The following SP4 variants were observed in gnomAD, a reference collection of about 807,000 sequenced individuals.
The protein encoded by SP4 is Sp4 transcription factor, also known as transcription factor Sp4.
SP4 carries 19 observed loss-of-function variants against 72.8 expected under a neutral mutation model. The ratio of observed to expected loss-of-function variants is 0.26; its 90% CI spans 0.18 to 0.38. The LOEUF (loss-of-function observed/expected upper bound fraction) is 0.38, where lower values mean the gene tolerates loss of function less well. Ranked by LOEUF, SP4 falls within the 10% of genes least tolerant of loss-of-function variation. SP4 has a pLI of 1.00. For synonymous variants in SP4, 395 were observed against 333.1 expected, an observed-to-expected ratio of 1.19 and a Z score of -2.02; for missense variants, 1,008 against 926.3, an observed-to-expected ratio of 1.09 and a Z score of -1.14.
chr7:21,490,731 G>T (rs1222582586), intron 5 of SP4, among the ~76,000 whole-genome samples: 1 of 152,198 alleles, frequency 6.6e-6, no homozygotes, highest in Non-Finnish European at 1.5e-5. Context: ...AGCATTGCAT[G>T]CACAGCACAG....
chr7:21,487,777 G>A (rs1380989706), intron 5 of SP4, among the ~76,000 whole-genome samples: 3 of 150,096 alleles, frequency 2.0e-5, no homozygotes, highest in Non-Finnish European at 4.4e-5. Context: ...GGTGGTGGTG[G>A]TGGTGGTGGT....
At chr7:21,463,460 G>C (rs1156559565) in intron 3 of SP4, among the ~76,000 whole-genome samples, 1 of 152,192 alleles carries the variant, frequency 6.6e-6, no homozygotes, top group African/African-American at 2.4e-5. Flanking sequence ...ACACCAGAAA[G>C]TGGATGATAA....
At chr7:21,471,072 C>T (rs781363577) in intron 3 of SP4, 10 of 534,530 alleles carry the variant, frequency 1.9e-5, no homozygotes, top group East Asian at 1.1e-4. Context: ...TTCAAATGCT[C>T]GGAGACACAG....
chr7:21,496,329 A>G (rs1781705555), intron 5 of SP4, among the ~76,000 whole-genome samples: 1 of 152,238 alleles, frequency 6.6e-6, no homozygotes. Flanking sequence ...AGAGAGATTT[A>G]CTATTTTATA....
intron 3 of SP4, among the ~76,000 whole-genome samples, chr7:21,457,158 C>T (rs1227924454): frequency 1.3e-5 from 2 of 152,078 alleles, no homozygotes; most frequent in Non-Finnish European, 2.9e-5. Flanking sequence ...TTGAGTAAAG[C>T]ATTTAGCAAC....
At chr7:21,445,863 A>G (rs1783405778) in intron 3 of SP4, among the ~76,000 whole-genome samples, 1 of 152,122 alleles carries the variant, frequency 6.6e-6, no homozygotes. Flanking sequence ...AGAATTGAAG[A>G]CCAATTTACA....
At chr7:21,502,969 T>C (rs1157595868) in intron 5 of SP4, among the ~76,000 whole-genome samples, 1 of 152,138 alleles carries the variant, frequency 6.6e-6, no homozygotes, top group Non-Finnish European at 1.5e-5. Context: ...TTTCCACTGG[T>C]CTTTTCCCCT....
At chr7:21,468,338 A>G (rs1287222719) in intron 3 of SP4, among the ~76,000 whole-genome samples, 2 of 152,150 alleles carry the variant, frequency 1.3e-5, no homozygotes, top group Non-Finnish European at 2.9e-5. Flanking sequence ...TTCACTTCCT[A>G]GAATAATTTT....
chr7:21,430,423 A>G lies in SP4; in HGVS notation c.1258A>G (p.Ile420Val), dbSNP rs750880710. 1.2e-6 allele frequency: 2 copies of G among 1,614,206 alleles called. No homozygotes were observed. Among genetic ancestry groups the G allele is most frequent in the Non-Finnish European group, 1.7e-6 (2 of 1,180,032 alleles). Residue 420 changes from isoleucine (I) to valine (V), a missense_variant, in exon 3 of 6, where the codon ATT becomes GTT. Around this residue, in one of 3 missense-constraint regions of SP4, gnomAD observed 893 missense variants for 743.3 expected, o/e 1.20. Coordinates refer to ENST00000222584, the MANE Select transcript of SP4 (RefSeq NM_003112.5). Reference sequence around the variant, plus strand: ...GCCTCAGCAACAGATCATTCAGGCTATTCCACCACAGTCGTTTCAACTCCA... The same window carrying G: ...GCCTCAGCAACAGATCATTCAGGCTGTTCCACCACAGTCGTTTCAACTCCA... ...QQPQQQIIQA[I>V]PPQSFQLQSG...
chr7:21,476,368 A>G (rs188737790), intron 3 of SP4, among the ~76,000 whole-genome samples: 3 of 149,282 alleles, frequency 2.0e-5, no homozygotes, highest in Non-Finnish European at 4.5e-5. Context: ...TGCATTATTT[A>G]TTATATTTTT....
At chr7:21,476,496 A>G (rs574492405) in intron 3 of SP4, among the ~76,000 whole-genome samples, 2 of 152,264 alleles carry the variant, frequency 1.3e-5, no homozygotes, top group South Asian at 4.1e-4. Flanking sequence ...TTACAGTGAC[A>G]GTATGTAGTA....
intron 3 of SP4, among the ~76,000 whole-genome samples, chr7:21,467,172 C>G (rs1252243644): frequency 6.6e-6 from 1 of 152,086 alleles, no homozygotes; most frequent in African/African-American, 2.4e-5. Context: ...GGCCTCTACT[C>G]ACTATATACC....
intron 5 of SP4, among the ~76,000 whole-genome samples, chr7:21,509,933 G>A (rs1286849093): frequency 6.6e-6 from 1 of 152,210 alleles, no homozygotes; most frequent in Non-Finnish European, 1.5e-5. Flanking sequence ...CACAATCATG[G>A]TGGAGGGCAA....
chr7:21,429,483 C>G lies in SP4; in HGVS notation c.318C>G (p.Ala106=), dbSNP rs777382790. ...QLAGNAWQLV[A]STPPASKENN... Reference sequence around the variant, plus strand: ...CTGGAAACGCTTGGCAACTTGTTGCCTCCACTCCTCCTGCTTCAAAAGAGA... The same window carrying G: ...CTGGAAACGCTTGGCAACTTGTTGCGTCCACTCCTCCTGCTTCAAAAGAGA... The change falls in exon 3 of 6, where the codon GCC becomes GCG. Residue 106 remains alanine, a synonymous_variant. Coordinates refer to ENST00000222584, the MANE Select transcript of SP4 (RefSeq NM_003112.5). 4 of 1,614,050 alleles carry G rather than the reference C, an allele frequency of 2.5e-6. No homozygotes were observed. In the Admixed American group the frequency reaches 5.0e-5, roughly 20 times the overall value.
At chr7:21,467,671 AT>A (rs1784208866) in intron 3 of SP4, among the ~76,000 whole-genome samples, 1 of 152,182 alleles carries the variant, frequency 6.6e-6, no homozygotes, top group African/African-American at 2.4e-5. Context: ...TAGGAGACAT[AT>A]TTTTTGAGAG....
chr7:21,454,326 A>G (rs1783694183), intron 3 of SP4, among the ~76,000 whole-genome samples: 1 of 150,250 alleles, frequency 6.7e-6, no homozygotes, highest in Admixed American at 6.7e-5. Flanking sequence ...CAATTATATA[A>G]CATTTCTTTA....
chr7:21,428,744 C>T lies in SP4; in HGVS notation c.75C>T (p.Thr25=). The T allele has an allele frequency of 1.9e-6, 3 of 1,553,472 alleles. No homozygotes were observed. Among genetic ancestry groups the T allele is most frequent in the Non-Finnish European group, 1.7e-6 (2 of 1,148,070 alleles). Residue 25 remains threonine (T), a synonymous_variant, in exon 2 of 6, where the codon ACC becomes ACT. Transcript: ENST00000222584. ...CGATGGCTACAGAAGGAGGGAAAAC[C>T]TCTGAGCCAGAGAATAACAATAAAA... ...AAAMATEGGK[T]SEPENNNKKP...
At chr7:21,441,413 C>T (rs1310988672) in intron 3 of SP4, among the ~76,000 whole-genome samples, 2 of 152,124 alleles carry the variant, frequency 1.3e-5, no homozygotes, top group East Asian at 1.9e-4. Flanking sequence ...TCAGGGTTTG[C>T]CAACCAAACA....
At chr7:21,504,445 AC>A (rs1320070435) in intron 5 of SP4, among the ~76,000 whole-genome samples, 1 of 152,152 alleles carries the variant, frequency 6.6e-6, no homozygotes, top group African/African-American at 2.4e-5. Context: ...TAGGTAATCT[AC>A]CTTTCTCACA....
Sources: allele counts gnomAD v4.1 joint callset (sites outside exome capture counted in the v4.1 genomes callset), GRCh38; gene constraint gnomAD v4.1.1; regional missense constraint gnomAD v4.1.1; transcripts MANE v1.5; gene names NCBI Gene and HGNC (gene_info 2026-07-23, HGNC 2026-07-21).